STX18: variants seen among roughly 807,000 people sequenced by gnomAD.
The protein encoded by STX18 is syntaxin 18, also known as syntaxin-18.
A neutral mutation model predicts 50.1 loss-of-function variants in STX18; 40 were observed. That is an observed-to-expected ratio of 0.80 (90% CI 0.62 to 1.04). STX18 has a LOEUF of 1.04. STX18 is among the 50% of genes least tolerant of loss of function. The probability of loss-of-function intolerance (pLI) is 0.00; values close to 1 mark genes in which losing one functional copy is unlikely to be tolerated. For synonymous variants in STX18, 158 were observed against 151.8 expected, an observed-to-expected ratio of 1.04 and a Z score of -0.30; for missense variants, 410 against 415.8, an observed-to-expected ratio of 0.99 and a Z score of 0.12.
intron 3 of STX18, among the ~76,000 whole-genome samples, chr4:4,459,038 T>G (rs895910385): frequency 5.0e-5 from 7 of 140,448 alleles, no homozygotes; most frequent in Admixed American, 7.1e-5. Flanking sequence ...CACATACAAT[T>G]TGCCACACAG....
At chr4:4,529,096 G>A (rs1730954581) in intron 1 of STX18, among the ~76,000 whole-genome samples, 1 of 152,162 alleles carries the variant, frequency 6.6e-6, no homozygotes, top group Admixed American at 6.5e-5. Context: ...AGGTATGGTG[G>A]CTCACACCTG....
chr4:4,429,538 C>A (rs1725420014), intron 7 of STX18, among the ~76,000 whole-genome samples: 1 of 152,190 alleles, frequency 6.6e-6, no homozygotes, highest in Admixed American at 6.5e-5. Context: ...GCCCTCTGGC[C>A]CTCATAGCTC....
chr4:4,441,741 C>T (rs149556008), intron 5 of STX18, among the ~76,000 whole-genome samples: 6 of 152,136 alleles, frequency 3.9e-5, no homozygotes, highest in Non-Finnish European at 7.4e-5. Context: ...ATCCTGAAGC[C>T]GGAAAAATCA....
At chr4:4,461,409 T>C (rs10017594) in intron 2 of STX18, among the ~76,000 whole-genome samples, 53,298 of 152,096 alleles carry the variant, frequency 0.35, 12,926 homozygotes, top group African/African-American at 0.7. Context: ...CTAGGTTACA[T>C]GCTGTTCTGC....
At chr4:4,534,993 T>C (rs1731265656) in intron 1 of STX18, among the ~76,000 whole-genome samples, 2 of 152,178 alleles carry the variant, frequency 1.3e-5, no homozygotes, top group African/African-American at 4.8e-5. Flanking sequence ...CCGGGCCTCC[T>C]CCAGAAAAGG....
intron 5 of STX18, among the ~76,000 whole-genome samples, chr4:4,449,149 C>T (rs150730656): frequency 2.0e-3 from 293 of 149,646 alleles, no homozygotes; most frequent in African/African-American, 5.9e-3. Flanking sequence ...TGGGCTTAAG[C>T]GATCCTCCCA....
In STX18 at chr4:4,423,508, GT is replaced by G. The variant is rs528306573; in HGVS notation, c.831+9del. ...GAAAACATACAGCTCCTTTGTTTTTGTTTTTTTACCTGTTGCAAAACCTTTT... is the reference window on the plus strand; with the variant it reads ...GAAAACATACAGCTCCTTTGTTTTTGTTTTTTACCTGTTGCAAAACCTTTT... On this transcript the variant is annotated intron_variant, in intron 9 of 10. Transcript: ENST00000306200. The G allele has an allele frequency of 6.2e-7, 1 of 1,613,634 alleles. No homozygotes were observed.
chr4:4,506,160 T>C (rs945246859), intron 1 of STX18, among the ~76,000 whole-genome samples: 1 of 152,234 alleles, frequency 6.6e-6, no homozygotes, highest in African/African-American at 2.4e-5. Context: ...CCATTAAACA[T>C]ACACTCACCA....
At chr4:4,499,649 C>T (rs1729342730) in intron 1 of STX18, 1 of 424,316 alleles carries the variant, frequency 2.4e-6, no homozygotes, top group Non-Finnish European at 3.2e-6. Context: ...AAACCTGAAC[C>T]AGGTGAGAAC....
chr4:4,467,797 A>C (rs1002954064), intron 2 of STX18, among the ~76,000 whole-genome samples: 9 of 152,216 alleles, frequency 5.9e-5, no homozygotes, highest in Non-Finnish European at 1.3e-4. Flanking sequence ...TTTTCTAAGC[A>C]AAGTAGAGAC....
chr4:4,456,484 G>A (rs951642925), intron 5 of STX18, among the ~76,000 whole-genome samples: 1 of 152,224 alleles, frequency 6.6e-6, no homozygotes, highest in Admixed American at 6.5e-5. Context: ...TGTGAGCCCA[G>A]AGGGGAAACC....
rs745350307 is a variant in STX18 at position 4,434,771 on chromosome 4, A to G, written c.701T>C (p.Met234Thr). 1.9e-6 allele frequency: 3 copies of G among 1,604,790 alleles called. No individual in the cohort carries two copies. The highest frequency in any genetic ancestry group is 1.7e-5 in the Admixed American group (1 of 57,796). The change falls in exon 7 of 11, where the codon ATG becomes ACG. Residue 234 changes from methionine to threonine, a missense_variant and splice_region_variant. By Grantham distance (81) the Met-to-Thr change is moderately conservative. Transcript: ENST00000306200. ...TAATTAGGCAGAGAATAGCATTACC[A>G]TTTGTATTTCTTCTGGGGATAACTC... ...EDELSPEEIQ[M>T]FEQENQRLIG...
At chr4:4,450,191 T>C (rs973461060) in intron 5 of STX18, among the ~76,000 whole-genome samples, 2 of 152,218 alleles carry the variant, frequency 1.3e-5, no homozygotes, top group African/African-American at 2.4e-5. Flanking sequence ...TTTACAACCA[T>C]AGTTACTTCT....
At chr4:4,427,898 T>G (rs1334433398) in intron 7 of STX18, among the ~76,000 whole-genome samples, 1 of 152,178 alleles carries the variant, frequency 6.6e-6, no homozygotes, top group Non-Finnish European at 1.5e-5. Context: ...AGCAGGTGCC[T>G]CAAGGATCAA....
intron 1 of STX18, among the ~76,000 whole-genome samples, chr4:4,540,632 T>G (rs766765863): frequency 1.1e-4 from 17 of 152,202 alleles, no homozygotes; most frequent in Non-Finnish European, 2.1e-4. Flanking sequence ...TTGTTTTATG[T>G]CTATGTCCGT....
intron 5 of STX18, among the ~76,000 whole-genome samples, chr4:4,453,958 G>A (rs1229806157): frequency 1.3e-5 from 2 of 152,202 alleles, no homozygotes; most frequent in African/African-American, 4.8e-5. Flanking sequence ...TCTGCTACAA[G>A]ATAAGTACAA....
intron 1 of STX18, among the ~76,000 whole-genome samples, chr4:4,534,200 C>T (rs745913353): frequency 2.6e-4 from 40 of 152,300 alleles, no homozygotes; most frequent in South Asian, 8.3e-4. Context: ...TTCCTCAATC[C>T]AGGTTTATCA....
In STX18 at chr4:4,420,850, T is replaced by C. The variant is rs750110027; in HGVS notation, c.912+14A>G. On this transcript the variant is annotated intron_variant, in intron 10 of 10. Transcript: ENST00000306200. The surrounding 1 kb of genome is among the most constrained non-coding windows in gnomAD (Gnocchi z 4.3). ...TGCGCCACGTCGCACCTGGGGAACC[T>C]AAACAGTGCCTACCTCTCTTATGTC... is the stretch of plus-strand genomic sequence containing the variant. 8.1e-6 allele frequency: 13 copies of C among 1,613,630 alleles called. No individual in the cohort carries two copies. In the South Asian group the frequency reaches 1.3e-4, roughly 16 times the overall value.
chr4:4,505,625 A>AT (rs201726277), intron 1 of STX18, among the ~76,000 whole-genome samples: 27 of 146,308 alleles, frequency 1.8e-4, no homozygotes, highest in African/African-American at 2.5e-4. Context: ...GCTAAAAATA[A>AT]AAAAAAAAAA....
Sources: gnomAD v4.1 joint callset for allele counts (sites outside exome capture counted in the v4.1 genomes callset) on GRCh38, gnomAD v4.1.1 for gene constraint, Gnocchi (gnomAD v3.1) non-coding constraint, MANE v1.5 for transcripts, NCBI Gene and HGNC (gene_info 2026-07-23, HGNC 2026-07-21) for gene names.